Variants in CDH12 observed in about 807,000 individuals in gnomAD.
CDH12 encodes the protein cadherin-12.
In CDH12, 41 loss-of-function variants were observed where a neutral mutation model predicts 74.1. The ratio of observed to expected loss-of-function variants is 0.55; its 90% CI spans 0.43 to 0.72. The LOEUF (loss-of-function observed/expected upper bound fraction) is 0.72. Among genes scored for constraint, CDH12 ranks in the 30% least tolerant of loss-of-function variants. The probability of loss-of-function intolerance (pLI) is 0.00; values close to 1 mark genes in which losing one functional copy is unlikely to be tolerated. For synonymous variants in CDH12, 399 were observed against 355.0 expected, an observed-to-expected ratio of 1.12 and a Z score of -1.39; for missense variants, 945 against 977.2, an observed-to-expected ratio of 0.97 and a Z score of 0.44.
intron 9 of CDH12, among the ~76,000 whole-genome samples, chr5:21,807,705 G>A (rs1747511806): frequency 6.6e-6 from 1 of 152,036 alleles, no homozygotes; most frequent in Non-Finnish European, 1.5e-5. Context: ...GCTTCAGCAG[G>A]CAGAATTCTA....
intron 3 of CDH12, among the ~76,000 whole-genome samples, chr5:22,328,617 A>T (rs1480656036): frequency 6.6e-6 from 1 of 152,220 alleles, no homozygotes; most frequent in African/African-American, 2.4e-5. Flanking sequence ...ATAGAAGCAG[A>T]TTGGAGAGCC....
intron 3 of CDH12, among the ~76,000 whole-genome samples, chr5:22,318,504 G>A (rs539109993): frequency 6.6e-6 from 1 of 152,302 alleles, no homozygotes; most frequent in African/African-American, 2.4e-5. Context: ...ATTTATCAAA[G>A]TTCCATTTGA....
At chr5:22,773,057 T>C (rs1418477183) in intron 1 of CDH12, among the ~76,000 whole-genome samples, 1 of 152,094 alleles carries the variant, frequency 6.6e-6, no homozygotes, top group Non-Finnish European at 1.5e-5. Flanking sequence ...AAAATCAATA[T>C]TTTTAAAATG....
At chr5:22,837,715 T>C (rs1429657397) in intron 1 of CDH12, among the ~76,000 whole-genome samples, 1 of 152,214 alleles carries the variant, frequency 6.6e-6, no homozygotes, top group Non-Finnish European at 1.5e-5. Context: ...ACCATGAAAT[T>C]AAAACAGGCT....
intron 5 of CDH12, among the ~76,000 whole-genome samples, chr5:22,005,034 GTATT>G (rs773233227): frequency 2.8e-4 from 43 of 151,592 alleles, no homozygotes; most frequent in Admixed American, 5.3e-4. Flanking sequence ...TTTCTTTATT[GTATT>G]TATTTATTTA....
intron 4 of CDH12, among the ~76,000 whole-genome samples, chr5:22,092,213 G>A (rs1220568603): frequency 6.6e-6 from 1 of 151,916 alleles, no homozygotes; most frequent in Non-Finnish European, 1.5e-5. Context: ...AGGCAATTCA[G>A]TGTGTTTAAA....
chr5:22,582,419 TC>T (rs1361200812), intron 1 of CDH12, among the ~76,000 whole-genome samples: 5 of 152,196 alleles, frequency 3.3e-5, no homozygotes, highest in Non-Finnish European at 7.3e-5. Flanking sequence ...TCTACTTTTT[TC>T]CTCCCACTTA....
intron 2 of CDH12, among the ~76,000 whole-genome samples, chr5:22,428,119 A>G (rs921229110): frequency 8.5e-5 from 13 of 152,080 alleles, no homozygotes; most frequent in Non-Finnish European, 1.6e-4. Context: ...CTTTGAGCCC[A>G]ATTCTGAAAG....
At chr5:21,851,093 T>C (rs182753072) in intron 7 of CDH12, among the ~76,000 whole-genome samples, 1 of 151,202 alleles carries the variant, frequency 6.6e-6, no homozygotes. Flanking sequence ...AACAAGAGGA[T>C]ATTGAGGTAA....
chr5:22,072,562 GTGTGTT>G (rs1156399752), intron 5 of CDH12, among the ~76,000 whole-genome samples: 2 of 131,968 alleles, frequency 1.5e-5, no homozygotes, highest in African/African-American at 6.2e-5. Flanking sequence ...GTGTGTGTGT[GTGTGTT>G]TAGGCTTTTA....
At chr5:22,516,506 T>C (rs1736812405) in intron 1 of CDH12, among the ~76,000 whole-genome samples, 1 of 152,152 alleles carries the variant, frequency 6.6e-6, no homozygotes, top group Non-Finnish European at 1.5e-5. Flanking sequence ...ATAATGTTAA[T>C]AAAAGTGGCT....
At chr5:22,029,743 C>T (rs1434998650) in intron 5 of CDH12, among the ~76,000 whole-genome samples, 1 of 151,768 alleles carries the variant, frequency 6.6e-6, no homozygotes, top group South Asian at 2.1e-4. Context: ...TACCATTTGA[C>T]CCAGCCATCC....
chr5:21,848,947 G>A (rs1186550644), intron 7 of CDH12, among the ~76,000 whole-genome samples: 1 of 151,634 alleles, frequency 6.6e-6, no homozygotes, highest in South Asian at 2.1e-4. Flanking sequence ...CAATAGCAAA[G>A]GACCTGTCAG....
At chr5:21,979,857 G>A (rs982626895) in intron 5 of CDH12, among the ~76,000 whole-genome samples, 18 of 151,060 alleles carry the variant, frequency 1.2e-4, no homozygotes, top group African/African-American at 2.4e-4. Flanking sequence ...CTGAGGAATC[G>A]CCACACTGAC....
intron 1 of CDH12, among the ~76,000 whole-genome samples, chr5:22,750,917 G>GAA (rs34040056): frequency 2.1e-3 from 300 of 141,016 alleles, no homozygotes; most frequent in African/African-American, 2.5e-3. Context: ...AAATCATAGT[G>GAA]AAAAAAAAAA....
chr5:22,061,886 G>A (rs776637568), intron 5 of CDH12, among the ~76,000 whole-genome samples: 3 of 152,044 alleles, frequency 2.0e-5, no homozygotes, highest in Non-Finnish European at 4.4e-5. Flanking sequence ...GTGCTTTCAC[G>A]TGGCTAATGA....
chr5:22,190,827 T>G (rs1308219051), intron 4 of CDH12, among the ~76,000 whole-genome samples: 1 of 152,174 alleles, frequency 6.6e-6, no homozygotes, highest in African/African-American at 2.4e-5. Flanking sequence ...GCTCCGTAAA[T>G]CAGGGTCTCA....
chr5:22,108,243 C>T (rs980379801), intron 4 of CDH12, among the ~76,000 whole-genome samples: 19 of 152,102 alleles, frequency 1.2e-4, no homozygotes, highest in Admixed American at 8.5e-4. Context: ...AGCCTTCTTG[C>T]GGGCTGCCAT....
At chr5:22,433,518 T>A (rs145760880) in intron 2 of CDH12, among the ~76,000 whole-genome samples, 27 of 152,052 alleles carry the variant, frequency 1.8e-4, no homozygotes, top group Non-Finnish European at 2.8e-4. Context: ...CATAAATGAG[T>A]AATTATAATA....
Sources: allele counts gnomAD v4.1 joint callset (sites outside exome capture counted in the v4.1 genomes callset), GRCh38; gene constraint gnomAD v4.1.1; transcripts MANE v1.5; gene names NCBI Gene and HGNC (gene_info 2026-07-23, HGNC 2026-07-21).